Variants in FAT2 observed in about 807,000 individuals in gnomAD.
FAT2 encodes the protein protocadherin Fat 2.
A neutral mutation model predicts 295.3 loss-of-function variants in FAT2; 150 were observed. That is an observed-to-expected ratio of 0.51 (90% CI 0.44 to 0.58). The LOEUF (loss-of-function observed/expected upper bound fraction) is 0.58. Among genes scored for constraint, FAT2 ranks in the 20% least tolerant of loss-of-function variants. The probability of loss-of-function intolerance (pLI) is 0.00; values close to 1 mark genes in which losing one functional copy is unlikely to be tolerated. For synonymous variants in FAT2, 2,026 were observed against 2,150.3 expected (o/e 0.94, Z 1.60); for missense variants, 4,868 against 5,442.7 (o/e 0.89, Z 3.32).
At chr5:151,593,113 G>A (rs1030467091), upstream of FAT2, among the ~76,000 whole-genome samples, 2 of 152,212 alleles carry the variant, frequency 1.3e-5, no homozygotes, top group Admixed American at 6.5e-5. Flanking sequence ...GAGTTGCAGG[G>A]TGAGGGGACC....
chr5:151,526,078 A>G (rs1009787732), intron 17 of FAT2, 113 bp from the exon 18 acceptor site: 119 of 1,007,468 alleles, frequency 1.2e-4, no homozygotes, highest in Non-Finnish European at 1.6e-4. Context: ...GACTGCTTGT[A>G]GATGGTGCCT....
chr5:151,541,124 T>G (rs948167148), intron 10 of FAT2, among the ~76,000 whole-genome samples: 3 of 152,202 alleles, frequency 2.0e-5, no homozygotes, highest in African/African-American at 7.2e-5. Context: ...AGTGGAGAGA[T>G]AGGAAGCAAT....
chr5:151,518,371 A>ATT (rs58882221), intron 19 of FAT2, among the ~76,000 whole-genome samples: 4 of 131,110 alleles, frequency 3.1e-5, no homozygotes, highest in Admixed American at 7.6e-5. Context: ...TAATAATAAT[A>ATT]ATAATTTTTA....
rs1412792801 is a variant in FAT2 at position 151,552,979 on chromosome 5, A to G, written c.4156+198T>C. Among the ~76,000 whole-genome samples, 11 of 152,194 alleles carry G rather than the reference A, an allele frequency of 7.2e-5. No individual in the cohort carries two copies. The East Asian group carries it at 2.1e-3, about 29-fold the overall frequency. ...AGAGATCGTGGCTGGAGTGAAAGGA[A>G]AGCTTGGCAGACGTGGCATTCTTAC... On this transcript the variant is annotated intron_variant, in intron 6 of 23. Coordinates refer to ENST00000261800, the MANE Select transcript of FAT2 (RefSeq NM_001447.3).
chr5:151,555,879 C>T (rs926706075), intron 4 of FAT2, among the ~76,000 whole-genome samples: 2 of 152,178 alleles, frequency 1.3e-5, no homozygotes, highest in African/African-American at 4.8e-5. Flanking sequence ...CTCTAGGTCA[C>T]TAACCAAAGC....
chr5:151,542,001 A>ACT (rs1561847701), intron 10 of FAT2, among the ~76,000 whole-genome samples: 1 of 152,240 alleles, frequency 6.6e-6, no homozygotes. Flanking sequence ...CAGCAGTTAG[A>ACT]GTATGACTCA....
At chr5:151,591,850 A>G (rs998052127), upstream of FAT2, among the ~76,000 whole-genome samples, 1 of 152,166 alleles carries the variant, frequency 6.6e-6, no homozygotes, top group Non-Finnish European at 1.5e-5. Flanking sequence ...TAAGGTTGTT[A>G]TGAGAATTAA....
rs1425337284 is a variant in FAT2, at chr5:151,543,231, A to G, written c.7896T>C (p.Asp2632=). 3 of 1,614,028 alleles carry G rather than the reference A, an allele frequency of 1.9e-6. No homozygotes were observed. The highest frequency in any genetic ancestry group is 2.5e-6 in the Non-Finnish European group (3 of 1,180,028). Residue 2632 remains aspartate (D), a synonymous_variant, in exon 10 of 24, where the codon GAT becomes GAC. Coordinates refer to ENST00000261800, the MANE Select transcript of FAT2 (RefSeq NM_001447.3). ...CAGTGACTGGGTTAATTTCAATGAC[A>G]TCTTTAACTAGGTCCTCTGGGTTCA... ...YSVNPEDLVK[D]VIEINPVTGV... is the part of the protein sequence containing the mutation.
chr5:151,569,106 T>C (rs1467399903), intron 1 of FAT2, among the ~76,000 whole-genome samples, 155 bp from the exon 2 acceptor site: 1 of 152,174 alleles, frequency 6.6e-6, no homozygotes, highest in Non-Finnish European at 1.5e-5. Context: ...GTGGTGCTAA[T>C]GGCATCTGGC....
chr5:151,554,704 G>A (rs1283563324), intron 4 of FAT2, 31 bp from the exon 5 acceptor site: 1 of 1,544,980 alleles, frequency 6.5e-7, no homozygotes, highest in Non-Finnish European at 8.8e-7. Flanking sequence ...GAGCACCTGA[G>A]CTGACAATTG....
At position 151,554,466 on chromosome 5, in the gene FAT2, A is replaced by G. The variant is rs2127630655; in HGVS notation, c.3841T>C (p.Tyr1281His). The change falls in exon 5 of 24, where the codon TAC (tyrosine) becomes CAC (histidine). Residue 1281 changes from tyrosine to histidine, a missense_variant. By Grantham distance (83) the Tyr-to-His change is moderately conservative. This residue lies in a region of FAT2 where 3,297 missense variants were observed against 3,669.4 expected (regional missense o/e 0.90). Coordinates refer to ENST00000261800, the MANE Select transcript of FAT2 (RefSeq NM_001447.3). Reference sequence around the variant, plus strand: ...TCCTCATCGCTGTCCTCGATACTGTAGGTGACTCTGCCATTAAGACCCTCA... The same window carrying G: ...TCCTCATCGCTGTCCTCGATACTGTGGGTGACTCTGCCATTAAGACCCTCA... ...LDEGLNGRVTYSIEDSDEEAF... is the reference protein window; with the variant it reads ...LDEGLNGRVTHSIEDSDEEAF... 6.2e-7 allele frequency: 1 copy of G among 1,614,208 alleles called. No homozygotes were observed. Among genetic ancestry groups the G allele is most frequent in the Non-Finnish European group, 8.5e-7 (1 of 1,180,026 alleles).
At chr5:151,530,732 G>C (rs1754501045) in intron 14 of FAT2, among the ~76,000 whole-genome samples, 2 of 152,194 alleles carry the variant, frequency 1.3e-5, no homozygotes, top group Middle Eastern at 3.2e-3. Flanking sequence ...ATTATACAGA[G>C]ATACACACTG....
rs1756622313 is a variant in FAT2 at position 151,546,272 on chromosome 5, C to A, written c.4855G>T (p.Asp1619Tyr). The A allele has an allele frequency of 6.2e-6, 10 of 1,614,042 alleles. No individual in the cohort carries two copies. The Admixed American group carries it at 1.5e-4, about 24-fold the overall frequency. The part of the protein sequence containing the change: ...LGIITLAQKL[D>Y]QANHAPHTLT... ...GTATGTGGGGCATGATTTGCCTGAT[C>A]AAGCTTTTGAGCTAGAGTAATGATG... is the stretch of plus-strand genomic sequence containing the variant. Residue 1619 changes from aspartate to tyrosine, a missense_variant, in exon 10 of 24, where the codon GAT becomes TAT. Transcript: ENST00000261800.
intron 1 of FAT2, among the ~76,000 whole-genome samples, chr5:151,589,398 A>G (rs1345746129): frequency 6.6e-6 from 1 of 152,230 alleles, no homozygotes; most frequent in East Asian, 1.9e-4. Flanking sequence ...AGGTTAGAGT[A>G]TGCAGGAAGC....
chr5:151,557,290 A>G (rs1757784423), intron 3 of FAT2, among the ~76,000 whole-genome samples: 1 of 152,170 alleles, frequency 6.6e-6, no homozygotes, highest in Non-Finnish European at 1.5e-5. Context: ...TTAGGTTCTA[A>G]TTAGGAATTA....
upstream of FAT2, among the ~76,000 whole-genome samples, chr5:151,591,877 T>G (rs977339663): frequency 1.3e-5 from 2 of 152,200 alleles, no homozygotes; most frequent in Non-Finnish European, 2.9e-5. Flanking sequence ...TAAAGGTTGC[T>G]AAGAAACCAG....
At position 151,512,191 on chromosome 5, in the gene FAT2, C is replaced by T. The variant is rs750293157; in HGVS notation, c.11879G>A (p.Gly3960Glu). Reference protein sequence around the residue: ...YCSQNTCLNGGKCSWTHGAGY... With the variant: ...YCSQNTCLNGEKCSWTHGAGY... ...TGCCCCATGGGTCCATGAGCACTTC[C>T]CACCATTGAGGCATGTGTTCTGGCT... Residue 3960 changes from glycine (G) to glutamate (E), a missense_variant, in exon 21 of 24, where the codon GGG becomes GAG. This residue lies in a region of FAT2 where 24 missense variants were observed against 53.3 expected (regional missense o/e 0.45). Transcript: ENST00000261800. This position sits in a 1 kb window ranked among gnomAD's most constrained non-coding sequence, Gnocchi z 4.1. 6.2e-7 allele frequency: 1 copy of T among 1,614,010 alleles called. No individual in the cohort carries two copies. Among genetic ancestry groups the T allele is most frequent in the South Asian group, 1.1e-5 (1 of 91,076 alleles).
Position 151,550,805 on chromosome 5 carries a change from C to G in FAT2, c.4363G>C (p.Val1455Leu), listed in dbSNP as rs759750416. 3 of 1,613,906 alleles carry G rather than the reference C, an allele frequency of 1.9e-6. No individual in the cohort carries two copies. Residue 1455 changes from valine to leucine, a missense_variant, in exon 8 of 24, where the codon GTC becomes CTC. Transcript: ENST00000261800. Reference protein sequence around the residue: ...RPQFLETRYEVRVPQDTVPGV... With the variant: ...RPQFLETRYELRVPQDTVPGV... ...GGCACGGTGTCCTGGGGAACTCTGA[C>G]TTCATAACGAGTTTCCAGAAACTGG...
rs1271293585 is a variant in FAT2, at chr5:151,512,489, C to T, written c.11581G>A (p.Asp3861Asn). ...TCAACCATCAGGCGAATGGAAGCGT[C>T]CATCTCCTCCACCAGGATGGAGTGC... ...EWHSILVEEMDASIRLMVDSM... is the reference protein window; with the variant it reads ...EWHSILVEEMNASIRLMVDSM... Residue 3861 changes from aspartate (D) to asparagine (N), a missense_variant, in exon 21 of 24, where the codon GAC (aspartate) becomes AAC (asparagine). By Grantham distance (23) the Asp-to-Asn change is conservative. Around this residue, in one of 5 missense-constraint regions of FAT2, gnomAD observed 1,046 missense variants for 1,210.1 expected, o/e 0.86. Transcript: ENST00000261800. This position sits in a 1 kb window ranked among gnomAD's most constrained non-coding sequence, Gnocchi z 4.1. The T allele has an allele frequency of 6.2e-7, 1 of 1,614,210 alleles. No homozygotes were observed. Among genetic ancestry groups the T allele is most frequent in the Admixed American group, 1.7e-5 (1 of 60,024 alleles).
Sources: allele counts gnomAD v4.1 joint callset (sites outside exome capture counted in the v4.1 genomes callset), GRCh38; gene constraint gnomAD v4.1.1; regional missense constraint gnomAD v4.1.1; non-coding constraint Gnocchi (gnomAD v3.1); transcripts MANE v1.5; gene names NCBI Gene and HGNC (gene_info 2026-07-23, HGNC 2026-07-21).